Variants in AGBL4 observed in about 807,000 individuals in gnomAD.
AGBL4 encodes AGBL carboxypeptidase 4, also known as cytosolic carboxypeptidase 6.
A neutral mutation model predicts 66.4 loss-of-function variants in AGBL4; 58 were observed. That is an observed-to-expected ratio of 0.87 (90% confidence interval 0.71 to 1.09). The LOEUF is 1.09. Among genes scored for constraint, AGBL4 ranks in the 50% least tolerant of loss-of-function variants. The probability of loss-of-function intolerance (pLI) is 0.00; values close to 1 mark genes in which losing one functional copy is unlikely to be tolerated. For synonymous variants in AGBL4, 234 were observed against 222.9 expected, an observed-to-expected ratio of 1.05 and a Z score of -0.44; for missense variants, 579 against 631.0, an observed-to-expected ratio of 0.92 and a Z score of 0.88.
rs368840808 is a variant in AGBL4 at position 49,491,716 on chromosome 1, C to A, written c.282+205597G>T. 3.3e-4 allele frequency among the ~76,000 whole-genome samples: 50 copies of A among 151,974 alleles called. 1 individual carries two copies. The South Asian group carries it at 9.8e-3, about 30-fold the overall frequency. On this transcript the variant is annotated intron_variant, in intron 3 of 13. Transcript: ENST00000371839. ...AAATTTGCTACAACAGCAGCAGCTGCCATTTATCTGAGCAACTTATATGTG... is the reference window on the plus strand; with the variant it reads ...AAATTTGCTACAACAGCAGCAGCTGACATTTATCTGAGCAACTTATATGTG...
At chr1:48,896,328 A>G (rs1051727255) in intron 5 of AGBL4, among the ~76,000 whole-genome samples, 1 of 152,220 alleles carries the variant, frequency 6.6e-6, no homozygotes, top group African/African-American at 2.4e-5. Flanking sequence ...AATTTTGGGA[A>G]TTTGTCTTCT....
intron 3 of AGBL4, among the ~76,000 whole-genome samples, chr1:49,283,452 C>G (rs189960525): frequency 6.6e-6 from 1 of 152,206 alleles, no homozygotes; most frequent in Non-Finnish European, 1.5e-5. Flanking sequence ...AACTCTAAAA[C>G]GCAGAGCGTC....
chr1:49,790,411 G>T (rs1644569181), intron 2 of AGBL4, among the ~76,000 whole-genome samples: 1 of 145,150 alleles, frequency 6.9e-6, no homozygotes, highest in Non-Finnish European at 1.5e-5. Context: ...AGCAAGGCAA[G>T]ATAAATACCA....
chr1:49,148,475 C>G (rs981745020), intron 4 of AGBL4, among the ~76,000 whole-genome samples: 1 of 152,110 alleles, frequency 6.6e-6, no homozygotes, highest in African/African-American at 2.4e-5. Flanking sequence ...TATCACTGAG[C>G]CAGAACTGAA....
chr1:49,883,569 A>T (rs530068093), intron 1 of AGBL4, among the ~76,000 whole-genome samples: 1 of 152,178 alleles, frequency 6.6e-6, no homozygotes, highest in East Asian at 1.9e-4. Flanking sequence ...AATGCTTGGC[A>T]CAATGTCAGT....
intron 4 of AGBL4, among the ~76,000 whole-genome samples, chr1:49,126,618 T>C (rs1302445206): frequency 1.3e-5 from 2 of 152,172 alleles, no homozygotes; most frequent in South Asian, 2.1e-4. Context: ...TTTACACAGA[T>C]AGTAAGTGAT....
chr1:49,683,873 A>G lies in AGBL4; in HGVS notation c.282+13440T>C, dbSNP rs12092026. ...ACACTTGATGAAAATTTGCTGTTCA[A>G]TACTGATGTGGAAGTGTTTGGTAGG... On this transcript the variant is annotated intron_variant, in intron 3 of 13. Coordinates refer to ENST00000371839, the MANE Select transcript of AGBL4 (RefSeq NM_032785.4). Among the ~76,000 whole-genome samples, 317 of 152,330 alleles carry G rather than the reference A, an allele frequency of 2.1e-3. 4 individuals carry two copies. The highest frequency in any genetic ancestry group is 7.1e-3 in the African/African-American group (294 of 41,580).
chr1:48,765,748 T>A (rs1644497192), intron 6 of AGBL4, among the ~76,000 whole-genome samples: 1 of 152,190 alleles, frequency 6.6e-6, no homozygotes, highest in Non-Finnish European at 1.5e-5. Context: ...AAAGAAATGA[T>A]GTACTGACTC....
chr1:48,737,748 T>C (rs1215794730), intron 6 of AGBL4, among the ~76,000 whole-genome samples: 1 of 152,134 alleles, frequency 6.6e-6, no homozygotes, highest in Non-Finnish European at 1.5e-5. Flanking sequence ...AAAAAGAGTA[T>C]AAAATTTAGA....
chr1:49,830,890 T>C (rs1645654006), intron 2 of AGBL4, among the ~76,000 whole-genome samples: 1 of 152,220 alleles, frequency 6.6e-6, no homozygotes, highest in Non-Finnish European at 1.5e-5. Flanking sequence ...CTTGTTTTTC[T>C]CAGGTTTGTC....
chr1:49,595,493 C>CTT (rs35521839), intron 3 of AGBL4, among the ~76,000 whole-genome samples: 4 of 151,482 alleles, frequency 2.6e-5, no homozygotes, highest in Non-Finnish European at 5.9e-5. Context: ...CTACAAAACA[C>CTT]TTTTTTTTAA....
chr1:48,548,787 C>T (rs1302189978), intron 11 of AGBL4, among the ~76,000 whole-genome samples: 2 of 152,218 alleles, frequency 1.3e-5, no homozygotes, highest in African/African-American at 2.4e-5. Flanking sequence ...GCCATGGCAG[C>T]TCTGATTACC....
chr1:49,940,929 TTAAG>T (rs1354661912), intron 1 of AGBL4, among the ~76,000 whole-genome samples: 5 of 151,918 alleles, frequency 3.3e-5, no homozygotes, highest in African/African-American at 9.7e-5. Context: ...AACTTTTAGC[TTAAG>T]TGAGAAGGAA....
chr1:49,800,210 A>C (rs1400144185), intron 2 of AGBL4, among the ~76,000 whole-genome samples: 1 of 152,166 alleles, frequency 6.6e-6, no homozygotes, highest in Non-Finnish European at 1.5e-5. Context: ...CAACCAAAAG[A>C]ATATAGCAAA....
chr1:49,737,664 A>G (rs1650010140), intron 2 of AGBL4, among the ~76,000 whole-genome samples: 1 of 152,150 alleles, frequency 6.6e-6, no homozygotes, highest in South Asian at 2.1e-4. Flanking sequence ...CTGTATGTGT[A>G]CTCCTGCATA....
chr1:48,681,654 T>G (rs1485432883), intron 6 of AGBL4, among the ~76,000 whole-genome samples: 4 of 152,198 alleles, frequency 2.6e-5, no homozygotes, highest in African/African-American at 9.7e-5. Flanking sequence ...CTTCTAGGTT[T>G]CTTCTCCCCA....
At chr1:49,524,634 T>C (rs941352514) in intron 3 of AGBL4, among the ~76,000 whole-genome samples, 1 of 152,004 alleles carries the variant, frequency 6.6e-6, no homozygotes, top group Non-Finnish European at 1.5e-5. Flanking sequence ...CTTTTTTTTT[T>C]CCATTATCAG....
intron 2 of AGBL4, among the ~76,000 whole-genome samples, chr1:49,848,432 A>G (rs1646213557): frequency 6.6e-6 from 1 of 152,228 alleles, no homozygotes; most frequent in Non-Finnish European, 1.5e-5. Context: ...ATGTCACTCA[A>G]TGCAGGATTG....
At chr1:48,960,500 A>G (rs1657877563) in intron 5 of AGBL4, among the ~76,000 whole-genome samples, 1 of 152,204 alleles carries the variant, frequency 6.6e-6, no homozygotes, top group Admixed American at 6.5e-5. Context: ...GGATGAAATC[A>G]TCAAGGATGT....
Sources: gnomAD v4.1 joint callset for allele counts (sites outside exome capture counted in the v4.1 genomes callset) on GRCh38, gnomAD v4.1.1 for gene constraint, MANE v1.5 for transcripts, NCBI Gene and HGNC (gene_info 2026-07-23, HGNC 2026-07-21) for gene names.